Variants in TRIM36 observed in about 807,000 individuals in gnomAD.
TRIM36 encodes E3 ubiquitin-protein ligase TRIM36.
In TRIM36, 42 loss-of-function variants were observed where a neutral mutation model predicts 72.4. That is an observed-to-expected ratio of 0.58 (90% CI 0.45 to 0.75). The LOEUF (loss-of-function observed/expected upper bound fraction) is 0.75. Ranked by LOEUF, TRIM36 falls within the 30% of genes least tolerant of loss-of-function variation. TRIM36 has a pLI of 0.00. For missense variants in TRIM36, 913 were observed against 857.1 expected, an observed-to-expected ratio of 1.07 and a Z score of -0.81; for synonymous variants, 315 against 282.8, an observed-to-expected ratio of 1.11 and a Z score of -1.14.
intron 2 of TRIM36, among the ~76,000 whole-genome samples, chr5:115,148,603 G>T (rs1753722073): frequency 6.6e-6 from 1 of 151,780 alleles, no homozygotes; most frequent in Non-Finnish European, 1.5e-5. Context: ...TAGAGATGGG[G>T]TTTCACCATC....
intron 1 of TRIM36, 151 bp downstream of exon 1, chr5:115,169,457 G>T: frequency 1.2e-6 from 1 of 868,118 alleles, no homozygotes; most frequent in Non-Finnish European, 1.7e-6. Flanking sequence ...AGCCCCGGGC[G>T]GGAGAAGGCG....
chr5:115,132,264 T>C (rs1217066468), intron 8 of TRIM36, among the ~76,000 whole-genome samples: 1 of 151,546 alleles, frequency 6.6e-6, no homozygotes, highest in Non-Finnish European at 1.5e-5. Context: ...CTGGGCCTGG[T>C]GGCTCACGTC....
At chr5:115,164,055 C>G (rs73251566) in intron 1 of TRIM36, among the ~76,000 whole-genome samples, 3,939 of 152,234 alleles carry the variant, frequency 0.026, 174 homozygotes, top group African/African-American at 0.09. Context: ...ATCTCCATCA[C>G]CAGTGCACTG....
At chr5:115,166,744 G>A (rs796544793) in intron 1 of TRIM36, among the ~76,000 whole-genome samples, 4 of 152,342 alleles carry the variant, frequency 2.6e-5, no homozygotes, top group African/African-American at 9.6e-5. Context: ...CCTGGACTTA[G>A]GAGCTCCCCA....
chr5:115,146,571 G>A (rs1753604558), intron 3 of TRIM36, among the ~76,000 whole-genome samples: 1 of 152,098 alleles, frequency 6.6e-6, no homozygotes, highest in African/African-American at 2.4e-5. Context: ...TTTAAGAAAT[G>A]CAAATTCTAC....
rs1040679875 is a variant in TRIM36, at chr5:115,141,228, T to C, written c.831+51A>G. 5.5e-6 allele frequency: 7 copies of C among 1,273,232 alleles called. No individual in the cohort carries two copies. In the East Asian group the frequency reaches 1.7e-4, roughly 31 times the overall value. The allele number at this position is 1,273,232 out of a possible 1,614,324, so 78.9% of individuals were successfully genotyped here. ...GATTTTATGAACAAATGAATGAATG[T>C]CTAGATAAAATAACAATAATTTAAA... On this transcript the variant is annotated intron_variant, in intron 5 of 9. Coordinates refer to ENST00000513154, the MANE Select transcript of TRIM36 (RefSeq NM_001300759.2).
intron 2 of TRIM36, chr5:115,148,389 C>G: frequency 1.1e-6 from 1 of 917,428 alleles, no homozygotes; most frequent in Non-Finnish European, 1.3e-6. Context: ...GCATGCATAT[C>G]ACATTCCCTC....
At chr5:115,157,113 G>A (rs1183838065) in intron 2 of TRIM36, among the ~76,000 whole-genome samples, 1 of 150,854 alleles carries the variant, frequency 6.6e-6, no homozygotes, top group Non-Finnish European at 1.5e-5. Flanking sequence ...ACCACAATGT[G>A]ATACCACCTT....
rs1181200328 is a variant in TRIM36 at position 115,146,951 on chromosome 5, A to G, written c.588+118T>C. ...CTTAAGTTCTTATACCTGCTTTTAA[A>G]GTTATTTCCTTTCTGTCAAGTTCTA... On this transcript the variant is annotated intron_variant, in intron 3 of 9. Transcript: ENST00000513154. 4 of 1,108,656 alleles carry G rather than the reference A, an allele frequency of 3.6e-6. No individual in the cohort carries two copies. In the Admixed American group the frequency reaches 1.2e-4, roughly 32 times the overall value. 68.7% of individuals were successfully genotyped at this position (1,108,656 alleles called of 1,614,324 possible).
At chr5:115,145,769 T>C (rs1410709233) in intron 3 of TRIM36, among the ~76,000 whole-genome samples, 1 of 152,192 alleles carries the variant, frequency 6.6e-6, no homozygotes. Context: ...ATATATAGGT[T>C]CAGGAGAAAA....
At position 115,134,187 on chromosome 5, in the gene TRIM36, G is replaced by C. The variant is rs367729940; in HGVS notation, c.1211-40C>G. The stretch of plus-strand genomic sequence containing the variant: ...AAATAGAAAACAACATTAAAATATT[G>C]ACATTTGAAAACCAGTGTTTTTCCT... On this transcript the variant is annotated intron_variant, in intron 7 of 9. Coordinates refer to ENST00000513154, the MANE Select transcript of TRIM36 (RefSeq NM_001300759.2). 3 of 1,493,668 alleles carry C rather than the reference G, an allele frequency of 2.0e-6. No homozygotes were observed. The African/African-American group carries it at 4.2e-5, about 21-fold the overall frequency. The allele number at this position is 1,493,668 out of a possible 1,614,324, so 92.5% of individuals were successfully genotyped here.
At chr5:115,151,787 C>G (rs1266475753) in intron 2 of TRIM36, among the ~76,000 whole-genome samples, 1 of 152,158 alleles carries the variant, frequency 6.6e-6, no homozygotes, top group Non-Finnish European at 1.5e-5. Context: ...AGAGAACAAT[C>G]ACTACAACTC....
At chr5:115,146,980 TTAA>T (rs1248229007) in intron 3 of TRIM36, 86 bp downstream of exon 3, 4 of 1,276,052 alleles carry the variant, frequency 3.1e-6, no homozygotes, top group South Asian at 3.2e-5. Context: ...AGTTCTAGAC[TTAA>T]TAATTTATTT....
upstream of TRIM36, chr5:115,170,081 G>T: frequency 1.6e-6 from 1 of 636,822 alleles, no homozygotes; most frequent in African/African-American, 2.0e-5. Flanking sequence ...GCTGGGCGTG[G>T]GTGTGGCACG....
chr5:115,133,829 A>G (rs746775215), intron 8 of TRIM36, 31 bp downstream of exon 8: 2 of 1,541,864 alleles, frequency 1.3e-6, no homozygotes, highest in Non-Finnish European at 1.7e-6. Context: ...AACTAACTCT[A>G]TGCTTTTTTT....
In TRIM36 at chr5:115,137,141, T is replaced by G; in HGVS notation, c.1086-17A>C. 1 of 1,556,496 alleles carries G rather than the reference T, an allele frequency of 6.4e-7. No homozygotes were observed. Among genetic ancestry groups the G allele is most frequent in the South Asian group, 1.2e-5 (1 of 82,804 alleles). ...TTCTGTATTCTGCAGACAGATATTT[T>G]ATATAAAAATGTTTCTTTAAGAAGT... is the stretch of plus-strand genomic sequence containing the variant. On this transcript the variant is annotated splice_polypyrimidine_tract_variant and intron_variant, in intron 6 of 9. Transcript: ENST00000513154.
chr5:115,170,702 G>A (rs572485735), upstream of TRIM36, among the ~76,000 whole-genome samples: 1 of 152,358 alleles, frequency 6.6e-6, no homozygotes, highest in African/African-American at 2.4e-5. Context: ...CCGCCTGCAG[G>A]GTGGAGATTC....
intron 9 of TRIM36, 64 bp downstream of exon 9, chr5:115,130,528 C>T (rs956672794): frequency 2.0e-6 from 3 of 1,521,836 alleles, no homozygotes; most frequent in Non-Finnish European, 2.7e-6. Flanking sequence ...TGTAACAAAG[C>T]CAAATCTATT....
intron 2 of TRIM36, among the ~76,000 whole-genome samples, chr5:115,162,896 A>G (rs1323408270): frequency 5.3e-5 from 8 of 152,000 alleles, no homozygotes. Context: ...GTATTTCAGT[A>G]GTCCATTATT....
Sources: gnomAD v4.1 joint callset for allele counts (sites outside exome capture counted in the v4.1 genomes callset) on GRCh38, gnomAD v4.1.1 for gene constraint, MANE v1.5 for transcripts, NCBI Gene and HGNC (gene_info 2026-07-23, HGNC 2026-07-21) for gene names.